COL9A1: variants seen among roughly 807,000 people sequenced by gnomAD.
COL9A1 encodes the protein collagen type IX alpha 1 chain.
COL9A1 carries 104 observed loss-of-function variants against 142.6 expected under a neutral mutation model. The observed-to-expected ratio is 0.73, with a 90% CI of 0.62 to 0.86. COL9A1 has a LOEUF of 0.86. COL9A1 is among the 40% of genes least tolerant of loss of function. The probability of loss-of-function intolerance (pLI) is 0.00; values close to 1 mark genes in which losing one functional copy is unlikely to be tolerated. For synonymous variants in COL9A1, 466 were observed against 396.0 expected, an observed-to-expected ratio of 1.18 and a Z score of -2.10; for missense variants, 1,210 against 1,176.6, an observed-to-expected ratio of 1.03 and a Z score of -0.42.
intron 33 of COL9A1, among the ~76,000 whole-genome samples, chr6:70,238,996 G>A (rs545368740): frequency 1.5e-4 from 23 of 152,170 alleles, no homozygotes; most frequent in Non-Finnish European, 2.4e-4. Flanking sequence ...AAAATTAGCC[G>A]GGCATGGTGG....
rs1391517875 is a variant in COL9A1, at chr6:70,232,670, C to G, written c.2416G>C (p.Glu806Gln). Residue 806 changes from glutamate (E) to glutamine (Q), a missense_variant, in exon 36 of 38, where the codon GAG (glutamate) becomes CAG (glutamine). Transcript: ENST00000357250. ...GPPGPPGPPG[E>Q]NGFPGQMGIR... is the part of the protein sequence containing the mutation. ...CCCATCTGGCCTGGGAAACCATTCTCTCCAGGAGGGCCGGGGGGACCAGGA... is the reference window on the plus strand; with the variant it reads ...CCCATCTGGCCTGGGAAACCATTCTGTCCAGGAGGGCCGGGGGGACCAGGA... 1.2e-6 allele frequency: 2 copies of G among 1,614,082 alleles called. No homozygotes were observed. The highest frequency in any genetic ancestry group is 3.3e-5 in the Admixed American group (2 of 60,028).
chr6:70,259,083 G>T (rs1229135763), intron 20 of COL9A1, among the ~76,000 whole-genome samples: 1 of 151,820 alleles, frequency 6.6e-6, no homozygotes, highest in Non-Finnish European at 1.5e-5. Flanking sequence ...TTGAAAAGAT[G>T]GATAAGGAAA....
At chr6:70,231,982 G>A (rs919834003) in intron 36 of COL9A1, among the ~76,000 whole-genome samples, 1 of 151,882 alleles carries the variant, frequency 6.6e-6, no homozygotes, top group African/African-American at 2.4e-5. Flanking sequence ...CTGGATGCAA[G>A]GGCTTAACTT....
At chr6:70,252,204 T>C in intron 27 of COL9A1, 31 bp from the exon 28 acceptor site, 1 of 1,614,170 alleles carries the variant, frequency 6.2e-7, no homozygotes, top group East Asian at 2.2e-5. Context: ...AGAAAAAAAG[T>C]TAACACCTAC....
chr6:70,300,330 T>A lies in COL9A1; in HGVS notation c.145A>T (p.Ile49Phe). The change falls in exon 3 of 38, where the codon ATT becomes TTT. Residue 49 changes from isoleucine (I) to phenylalanine (F), a missense_variant. Transcript: ENST00000357250. ...TCACCTGGTAAGTCATCTTGGCCAATCCTGATCTTTGGACAGAGTTCATTT... is the reference window on the plus strand; with the variant it reads ...TCACCTGGTAAGTCATCTTGGCCAAACCTGATCTTTGGACAGAGTTCATTT... ...GGNELCPKIR[I>F]GQDDLPGFDL... The A allele has an allele frequency of 6.2e-7, 1 of 1,613,466 alleles. No individual in the cohort carries two copies. Among genetic ancestry groups the A allele is most frequent in the East Asian group, 2.2e-5 (1 of 44,860 alleles).
At chr6:70,295,435 C>T (rs1033297196) in intron 4 of COL9A1, among the ~76,000 whole-genome samples, 13 of 151,548 alleles carry the variant, frequency 8.6e-5, no homozygotes, top group Non-Finnish European at 1.5e-4. Flanking sequence ...TACAGGCGCC[C>T]ACCATTATGC....
At chr6:70,243,819 C>T (rs751561440) in intron 28 of COL9A1, among the ~76,000 whole-genome samples, 24 of 152,160 alleles carry the variant, frequency 1.6e-4, no homozygotes, top group African/African-American at 3.4e-4. Context: ...TGAGCCACTG[C>T]GCCCGGCTAG....
rs147747530 is a variant in COL9A1, at chr6:70,274,738, A to G, written c.1010T>C (p.Ile337Thr). The change falls in exon 11 of 38, where the codon ATT becomes ACT. Residue 337 changes from isoleucine (I) to threonine (T), a missense_variant. By Grantham distance (89) the Ile-to-Thr change is moderately conservative (BLOSUM62 -1). Transcript: ENST00000357250. ...ACTTACTTTTTGTCCCTTTGACCCA[A>G]TGGAGCCAGGGGATCCATCAGGTCC... is the stretch of plus-strand genomic sequence containing the variant. ...LTGPDGSPGSIGSKGQKGEPG... is the reference protein window; with the variant it reads ...LTGPDGSPGSTGSKGQKGEPG... 59 of 1,612,550 alleles carry G rather than the reference A, an allele frequency of 3.7e-5. No homozygotes were observed. Among genetic ancestry groups the G allele is most frequent in the South Asian group, 5.5e-5 (5 of 91,060 alleles).
chr6:70,299,040 A>G (rs1235829205), intron 4 of COL9A1, among the ~76,000 whole-genome samples: 7 of 152,166 alleles, frequency 4.6e-5, no homozygotes, highest in Admixed American at 3.9e-4. Flanking sequence ...TAATGACCCT[A>G]TATCACAGGG....
At chr6:70,302,211 T>C (rs1227897634) in intron 1 of COL9A1, 137 bp from the exon 2 acceptor site, 128 of 519,320 alleles carry the variant, frequency 2.5e-4, no homozygotes, top group East Asian at 3.3e-4. Context: ...TTTCTTTTTT[T>C]TTTTTTTTTT....
chr6:70,242,809 T>G (rs1770351421), intron 28 of COL9A1, 94 bp from the exon 29 acceptor site: 2 of 1,227,656 alleles, frequency 1.6e-6, no homozygotes, highest in Non-Finnish European at 2.4e-6. Context: ...CTAGGTTTTT[T>G]TCCTTCAGCT....
chr6:70,242,650 T>C lies in COL9A1; in HGVS notation c.1926+12A>G, dbSNP rs774435530. The C allele has an allele frequency of 1.2e-6, 2 of 1,613,486 alleles. No homozygotes were observed. The highest frequency in any genetic ancestry group is 1.7e-6 in the Non-Finnish European group (2 of 1,179,498). ...TTCGTAGAAGGCAAATAAACGAAAC[T>C]TTTCTACTTACCAGTTTACCTGGTA... On this transcript the variant is annotated intron_variant, in intron 29 of 37. Transcript: ENST00000357250.
At chr6:70,296,457 C>T (rs576717246) in intron 4 of COL9A1, among the ~76,000 whole-genome samples, 2 of 152,168 alleles carry the variant, frequency 1.3e-5, no homozygotes, top group Non-Finnish European at 2.9e-5. Flanking sequence ...ATTGACTGAC[C>T]TATTTTCCCC....
At chr6:70,269,010 C>T (rs1389175096) in intron 16 of COL9A1, 150 bp from the exon 17 acceptor site, 2 of 671,650 alleles carry the variant, frequency 3.0e-6, no homozygotes, top group Admixed American at 2.3e-5. Context: ...ACACCCCTTT[C>T]CTTTTTATTA....
intron 37 of COL9A1, among the ~76,000 whole-genome samples, chr6:70,221,209 C>G (rs1768862685): frequency 6.6e-6 from 1 of 151,772 alleles, no homozygotes; most frequent in African/African-American, 2.4e-5. Flanking sequence ...GGAGGCAGCC[C>G]CTCACCTAAT....
chr6:70,236,140 A>AAAAAAAAAAAAAAAAAAT (rs1562293798), intron 33 of COL9A1, among the ~76,000 whole-genome samples: 1 of 136,696 alleles, frequency 7.3e-6, no homozygotes, highest in Non-Finnish European at 1.6e-5. Context: ...AAAAAAAAAA[A>AAAAAAAAAAAAAAAAAAT]ACTTGACCAA....
chr6:70,216,654 C>CTT lies in COL9A1; in HGVS notation c.*241_*242dup, dbSNP rs3215859. ...TTATTCAAGGGAGGTGTTTGGTTTT[C>CTT]TTTTTTTTTTTTTAACTGATGACTC... On this transcript the variant is annotated 3_prime_UTR_variant, in exon 38 of 38. Coordinates refer to ENST00000357250, the MANE Select transcript of COL9A1 (RefSeq NM_001851.6). 25,664 of 480,648 alleles carry CTT rather than the reference C, an allele frequency of 0.053. 756 individuals are homozygous for CTT. The highest frequency in any genetic ancestry group is 0.16 in the African/African-American group (7,856 of 49,066). 29.8% of individuals were successfully genotyped at this position (480,648 alleles called of 1,614,324 possible).
At chr6:70,287,749 T>C (rs896128235) in intron 5 of COL9A1, among the ~76,000 whole-genome samples, 2 of 152,230 alleles carry the variant, frequency 1.3e-5, no homozygotes, top group African/African-American at 2.4e-5. Flanking sequence ...CTACTTGACT[T>C]ATCTACAGCA....
intron 18 of COL9A1, among the ~76,000 whole-genome samples, chr6:70,264,865 C>A (rs1372606705): frequency 6.6e-6 from 1 of 152,016 alleles, no homozygotes; most frequent in Admixed American, 6.6e-5. Flanking sequence ...TTTTAAAGAT[C>A]TTCATTAACT....
Sources: allele counts gnomAD v4.1 joint callset (sites outside exome capture counted in the v4.1 genomes callset), GRCh38; gene constraint gnomAD v4.1.1; transcripts MANE v1.5; gene names NCBI Gene and HGNC (gene_info 2026-07-23, HGNC 2026-07-21).